The following PPP2R3A variants were observed in gnomAD, a reference collection of about 807,000 sequenced individuals.
PPP2R3A encodes serine/threonine-protein phosphatase 2A regulatory subunit B'' subunit alpha.
In PPP2R3A, 80 loss-of-function variants were observed where a neutral mutation model predicts 106.9. The ratio of observed to expected loss-of-function variants is 0.75; its 90% CI spans 0.62 to 0.90. The LOEUF (loss-of-function observed/expected upper bound fraction) is 0.90, where lower values mean the gene tolerates loss of function less well. PPP2R3A is among the 40% of genes least tolerant of loss of function. The pLI is 0.00. For missense variants in PPP2R3A, 1,386 were observed against 1,350.4 expected, an observed-to-expected ratio of 1.03 and a Z score of -0.41; for synonymous variants, 483 against 468.3, an observed-to-expected ratio of 1.03 and a Z score of -0.41.
chr3:136,095,902 C>T (rs1937204454), intron 10 of PPP2R3A, among the ~76,000 whole-genome samples: 1 of 152,126 alleles, frequency 6.6e-6, no homozygotes, highest in African/African-American at 2.4e-5. Context: ...AGTAGGGCTA[C>T]ATCCTGGTAA....
In PPP2R3A at chr3:136,006,025, C is replaced by A. The variant is rs75349927; in HGVS notation, c.1995+2532C>A. On this transcript the variant is annotated intron_variant, in intron 2 of 13. Transcript: ENST00000264977. ...AAAGTAGAAAATGTCTGAGCATCAC[C>A]TGTCCTGTGTTCCTGGCTAACACCT... is the stretch of plus-strand genomic sequence containing the variant. Among the ~76,000 whole-genome samples the A allele has an allele frequency of 7.4e-3, 1,125 of 152,278 alleles. 18 individuals are homozygous for A. The highest frequency in any genetic ancestry group is 0.026 in the African/African-American group (1,069 of 41,540).
At chr3:135,997,006 C>G (rs576939602) in intron 1 of PPP2R3A, among the ~76,000 whole-genome samples, 162 of 152,258 alleles carry the variant, frequency 1.1e-3, no homozygotes, top group African/African-American at 3.6e-3. Flanking sequence ...GAGACTAATC[C>G]CCTCACCAGG....
At chr3:136,038,122 A>G (rs1935148620) in intron 3 of PPP2R3A, among the ~76,000 whole-genome samples, 1 of 152,204 alleles carries the variant, frequency 6.6e-6, no homozygotes. Context: ...TTTTAAGCAG[A>G]TGCAGGCTAG....
rs564188643 is a variant in PPP2R3A, at chr3:136,078,578, A to G, written c.2631+125A>G. 6.6e-4 allele frequency: 437 copies of G among 657,190 alleles called. 1 individual carries two copies. Among genetic ancestry groups the G allele is most frequent in the Non-Finnish European group, 9.9e-4 (372 of 375,628 alleles). 40.7% of individuals were successfully genotyped at this position (657,190 alleles called of 1,614,324 possible). On this transcript the variant is annotated intron_variant, in intron 7 of 13. Transcript: ENST00000264977. ...CACTACTTTCAGTCATTAAGCATTT[A>G]TCAAATACCTGTCGTGGGATGCTGG...
chr3:136,041,335 G>A (rs1238046749), intron 4 of PPP2R3A, among the ~76,000 whole-genome samples: 1 of 127,358 alleles, frequency 7.9e-6, no homozygotes, highest in African/African-American at 3.1e-5. Flanking sequence ...ATAGCTCACT[G>A]CAGCCCCAAA....
chr3:136,134,592 A>T (rs1191065112), intron 13 of PPP2R3A, among the ~76,000 whole-genome samples: 1 of 152,202 alleles, frequency 6.6e-6, no homozygotes, highest in Non-Finnish European at 1.5e-5. Context: ...AAATGTGTGT[A>T]TGTATATACA....
At chr3:136,060,408 C>G (rs1936036215) in intron 5 of PPP2R3A, among the ~76,000 whole-genome samples, 1 of 152,162 alleles carries the variant, frequency 6.6e-6, no homozygotes, top group East Asian at 1.9e-4. Context: ...ATTGTAATTC[C>G]CAGTGTTGAA....
chr3:135,990,988 A>G (rs1043192549), intron 1 of PPP2R3A, among the ~76,000 whole-genome samples: 2 of 152,052 alleles, frequency 1.3e-5, no homozygotes, highest in Admixed American at 1.3e-4. Flanking sequence ...GACTCAAATA[A>G]TACCAAGTTC....
At chr3:136,044,023 T>C (rs892170879) in intron 4 of PPP2R3A, among the ~76,000 whole-genome samples, 2 of 152,224 alleles carry the variant, frequency 1.3e-5, no homozygotes, top group African/African-American at 4.8e-5. Context: ...CTCTGCTGTT[T>C]TTATATCTTA....
chr3:136,126,218 C>T (rs908514760), intron 13 of PPP2R3A, among the ~76,000 whole-genome samples: 7 of 152,218 alleles, frequency 4.6e-5, no homozygotes, highest in Non-Finnish European at 7.3e-5. Context: ...CCTTTCCTAA[C>T]CAAGGGAAGC....
intron 13 of PPP2R3A, among the ~76,000 whole-genome samples, chr3:136,109,672 A>G (rs894666952): frequency 1.3e-5 from 2 of 152,142 alleles, no homozygotes; most frequent in Non-Finnish European, 2.9e-5. Context: ...TAATATAGTA[A>G]TATAGACCAG....
At chr3:135,968,521 G>C (rs1466340091) in intron 1 of PPP2R3A, among the ~76,000 whole-genome samples, 1 of 152,188 alleles carries the variant, frequency 6.6e-6, no homozygotes, top group Non-Finnish European at 1.5e-5. Flanking sequence ...CCAGAAGCCA[G>C]GAACACGGAG....
chr3:136,065,961 CTG>C (rs1466013142), intron 5 of PPP2R3A, among the ~76,000 whole-genome samples: 1 of 152,198 alleles, frequency 6.6e-6, no homozygotes, highest in Non-Finnish European at 1.5e-5. Flanking sequence ...AGGTGAATCA[CTG>C]CACCTAGCCA....
chr3:136,021,393 G>A (rs760267985), intron 2 of PPP2R3A, among the ~76,000 whole-genome samples: 1 of 152,054 alleles, frequency 6.6e-6, no homozygotes, highest in African/African-American at 2.4e-5. Context: ...GATAAAATTT[G>A]ATGTGAACAG....
chr3:136,133,890 C>CAAAAAAAAA (rs34515503), intron 13 of PPP2R3A, among the ~76,000 whole-genome samples: 1 of 55,440 alleles, frequency 1.8e-5, no homozygotes, highest in Non-Finnish European at 4.1e-5. Flanking sequence ...AACTCCATCT[C>CAAAAAAAAA]AAAAAAAAAA....
At chr3:135,994,972 G>A (rs1272214130) in intron 1 of PPP2R3A, among the ~76,000 whole-genome samples, 3 of 152,190 alleles carry the variant, frequency 2.0e-5, no homozygotes, top group Admixed American at 1.3e-4. Flanking sequence ...GCAGTTTATT[G>A]TGGAGCTTTC....
chr3:136,078,295 T>C, intron 6 of PPP2R3A, 72 bp from the exon 7 acceptor site: 2 of 1,040,542 alleles, frequency 1.9e-6, no homozygotes, highest in South Asian at 2.7e-5. Context: ...AGTATGTTCA[T>C]AAAATGGCCT....
chr3:136,057,570 T>C (rs1017495457), intron 5 of PPP2R3A, among the ~76,000 whole-genome samples: 3 of 152,166 alleles, frequency 2.0e-5, no homozygotes, highest in African/African-American at 7.2e-5. Flanking sequence ...ACCACTGAAC[T>C]GTACACTTAA....
intron 13 of PPP2R3A, among the ~76,000 whole-genome samples, chr3:136,108,034 G>A (rs983722116): frequency 1.3e-5 from 2 of 152,054 alleles, no homozygotes; most frequent in Admixed American, 6.6e-5. Context: ...GCAATGTGGC[G>A]AAACCCCATC....
Sources: allele counts gnomAD v4.1 joint callset (sites outside exome capture counted in the v4.1 genomes callset), GRCh38; gene constraint gnomAD v4.1.1; transcripts MANE v1.5; gene names NCBI Gene and HGNC (gene_info 2026-07-23, HGNC 2026-07-21).